EFCAB14: variants seen among roughly 807,000 people sequenced by gnomAD.
EFCAB14 encodes EF-hand calcium binding domain 14.
A neutral mutation model predicts 56.5 loss-of-function variants in EFCAB14; 43 were observed. The ratio of observed to expected loss-of-function variants is 0.76; its 90% CI spans 0.60 to 0.98. The LOEUF is 0.98. Ranked by LOEUF, EFCAB14 falls within the 50% of genes least tolerant of loss-of-function variation. The pLI, the probability that EFCAB14 is intolerant of heterozygous loss-of-function variation, is 0.00. For missense variants in EFCAB14, 538 were observed against 580.3 expected (o/e 0.93, Z 0.75); for synonymous variants, 235 against 212.9 (o/e 1.10, Z -0.90).
At chr1:46,690,931 G>A (rs1238339470) in intron 5 of EFCAB14, among the ~76,000 whole-genome samples, 1 of 152,128 alleles carries the variant, frequency 6.6e-6, no homozygotes, top group Non-Finnish European at 1.5e-5. Flanking sequence ...TCCAGAAATT[G>A]GCAGAGAGAC....
intron 3 of EFCAB14, among the ~76,000 whole-genome samples, chr1:46,704,954 G>A (rs957059747): frequency 1.3e-5 from 2 of 149,394 alleles, no homozygotes; most frequent in African/African-American, 5.0e-5. Flanking sequence ...AACAGTTCTC[G>A]TTAAGTGATA....
intron 2 of EFCAB14, among the ~76,000 whole-genome samples, chr1:46,713,918 C>A (rs937138063): frequency 6.6e-6 from 1 of 152,038 alleles, no homozygotes; most frequent in Non-Finnish European, 1.5e-5. Flanking sequence ...GCAAGGACAA[C>A]TATAAAGGAG....
At chr1:46,700,523 T>C (rs1225274534) in intron 3 of EFCAB14, among the ~76,000 whole-genome samples, 1 of 152,182 alleles carries the variant, frequency 6.6e-6, no homozygotes, top group Non-Finnish European at 1.5e-5. Context: ...ATGAATGATA[T>C]CCAGGTTTGA....
rs112437093 is a variant in EFCAB14, at chr1:46,683,506, G to C, written c.1187-81C>G. 19 of 1,405,388 alleles carry C rather than the reference G, an allele frequency of 1.4e-5. 1 individual carries two copies. Among genetic ancestry groups the C allele is most frequent in the African/African-American group, 7.2e-5 (5 of 69,306 alleles). The allele number at this position is 1,405,388 out of a possible 1,614,324, so 87.1% of individuals were successfully genotyped here. Reference sequence around the variant, plus strand: ...ACTAGTATCGAAGGTCACCTTTTAGGAAAATTGGATATACAATTAATTTAG... The same window carrying C: ...ACTAGTATCGAAGGTCACCTTTTAGCAAAATTGGATATACAATTAATTTAG... On this transcript the variant is annotated intron_variant, in intron 9 of 10. Coordinates refer to ENST00000371933, the MANE Select transcript of EFCAB14 (RefSeq NM_014774.3).
At chr1:46,686,586 A>AC (rs1428321454) in intron 8 of EFCAB14, 198 bp downstream of exon 8, 1 of 591,852 alleles carries the variant, frequency 1.7e-6, no homozygotes, top group African/African-American at 1.9e-5. Flanking sequence ...CCCAGCTCCT[A>AC]CTAAAGTGTT....
chr1:46,688,836 C>T (rs1427630572), intron 6 of EFCAB14, among the ~76,000 whole-genome samples: 3 of 152,196 alleles, frequency 2.0e-5, no homozygotes, highest in Non-Finnish European at 4.4e-5. Context: ...CCAATGTTTA[C>T]CTCACCTGCT....
chr1:46,689,274 T>G (rs1557442394), intron 6 of EFCAB14, among the ~76,000 whole-genome samples: 1 of 152,216 alleles, frequency 6.6e-6, no homozygotes, highest in Non-Finnish European at 1.5e-5. Context: ...TCCATTCATC[T>G]TTAACCTGCC....
At chr1:46,690,013 T>C (rs374425927) in intron 5 of EFCAB14, among the ~76,000 whole-genome samples, 6 of 152,300 alleles carry the variant, frequency 3.9e-5, no homozygotes, top group East Asian at 1.9e-4. Context: ...AGAGAAACTA[T>C]AGCATCACTG....
chr1:46,693,142 C>T (rs941681866), intron 4 of EFCAB14, among the ~76,000 whole-genome samples: 1 of 152,136 alleles, frequency 6.6e-6, no homozygotes, highest in Non-Finnish European at 1.5e-5. Context: ...GCTTACTTTG[C>T]TTTCATTAGC....
chr1:46,714,429 T>TAAAAAA (rs796203292), intron 2 of EFCAB14, among the ~76,000 whole-genome samples: 1 of 107,850 alleles, frequency 9.3e-6, no homozygotes, highest in African/African-American at 3.3e-5. Flanking sequence ...TCAGTGTTGC[T>TAAAAAA]AAAAAAAAAA....
intron 3 of EFCAB14, among the ~76,000 whole-genome samples, chr1:46,703,149 G>A (rs1677184324): frequency 1.3e-5 from 2 of 150,518 alleles, no homozygotes; most frequent in South Asian, 2.1e-4. Context: ...TGCTCTTGTC[G>A]CCCAGGCTGG....
intron 3 of EFCAB14, among the ~76,000 whole-genome samples, chr1:46,705,867 T>G (rs986781211): frequency 2.0e-5 from 3 of 152,114 alleles, no homozygotes; most frequent in African/African-American, 7.2e-5. Context: ...AATTTAACTT[T>G]TTTTTTCTTT....
intron 3 of EFCAB14, among the ~76,000 whole-genome samples, chr1:46,699,998 C>T (rs1677132192): frequency 1.3e-5 from 2 of 152,158 alleles, no homozygotes; most frequent in Non-Finnish European, 1.5e-5. Flanking sequence ...GGCCTCCTAC[C>T]AAAAGCCATG....
chr1:46,675,973 C>T lies in EFCAB14; in HGVS notation c.*2488G>A, dbSNP rs1410850162. 6.6e-6 allele frequency: 1 copy of T among 152,250 alleles called. No individual in the cohort carries two copies. The highest frequency in any genetic ancestry group is 2.4e-5 in the African/African-American group (1 of 41,458). 9.4% of individuals were successfully genotyped at this position (152,250 alleles called of 1,614,324 possible). On this transcript the variant is annotated 3_prime_UTR_variant, in exon 11 of 11. Coordinates refer to ENST00000371933, the MANE Select transcript of EFCAB14 (RefSeq NM_014774.3). ...AAAACCAAAACCAAAACCAAACTCACTATCCAGTCTTCCTCTCAGAGATGA... is the reference window on the plus strand; with the variant it reads ...AAAACCAAAACCAAAACCAAACTCATTATCCAGTCTTCCTCTCAGAGATGA...
At chr1:46,699,124 G>A (rs989970102) in intron 3 of EFCAB14, among the ~76,000 whole-genome samples, 2 of 152,138 alleles carry the variant, frequency 1.3e-5, no homozygotes, top group Non-Finnish European at 2.9e-5. Flanking sequence ...CAAGGCAAGA[G>A]TACATTAAAG....
At chr1:46,690,645 A>C (rs903304403) in intron 5 of EFCAB14, among the ~76,000 whole-genome samples, 2 of 152,184 alleles carry the variant, frequency 1.3e-5, no homozygotes, top group Non-Finnish European at 2.9e-5. Context: ...AAATAATAAA[A>C]GAATTGCTGA....
At chr1:46,706,011 T>C (rs1677228310) in intron 3 of EFCAB14, among the ~76,000 whole-genome samples, 1 of 151,962 alleles carries the variant, frequency 6.6e-6, no homozygotes, top group Admixed American at 6.6e-5. Context: ...ACTAAAGGTG[T>C]ACGCCACCAT....
At chr1:46,709,849 G>A (rs565609737) in intron 2 of EFCAB14, among the ~76,000 whole-genome samples, 6 of 152,146 alleles carry the variant, frequency 3.9e-5, no homozygotes, top group Middle Eastern at 3.4e-3. Context: ...TTAGCCAGGC[G>A]TGGTGGGGCA....
intron 1 of EFCAB14, among the ~76,000 whole-genome samples, chr1:46,717,489 C>T (rs1470982072): frequency 1.3e-5 from 2 of 152,192 alleles, no homozygotes; most frequent in Non-Finnish European, 2.9e-5. Flanking sequence ...ATTTCCCCAC[C>T]ACCAATATTC....
Sources: allele counts gnomAD v4.1 joint callset (sites outside exome capture counted in the v4.1 genomes callset), GRCh38; gene constraint gnomAD v4.1.1; transcripts MANE v1.5; gene names NCBI Gene and HGNC (gene_info 2026-07-23, HGNC 2026-07-21).